CCDC170: variants seen among roughly 807,000 people sequenced by gnomAD.
The protein encoded by CCDC170 is coiled-coil domain containing 170.
CCDC170 carries 69 observed loss-of-function variants against 72.6 expected under a neutral mutation model. That is an observed-to-expected ratio of 0.95 (90% CI 0.78 to 1.16). The LOEUF (loss-of-function observed/expected upper bound fraction) is 1.16. CCDC170 is among the 50% of genes most tolerant of loss of function. The probability of loss-of-function intolerance (pLI) is 0.00; values close to 1 mark genes in which losing one functional copy is unlikely to be tolerated. For missense variants in CCDC170, 852 were observed against 832.5 expected, an observed-to-expected ratio of 1.02 and a Z score of -0.29; for synonymous variants, 300 against 303.9, an observed-to-expected ratio of 0.99 and a Z score of 0.13.
chr6:151,552,670 T>A (rs1351811190), intron 5 of CCDC170, among the ~76,000 whole-genome samples: 1 of 152,062 alleles, frequency 6.6e-6, no homozygotes, highest in Admixed American at 6.6e-5. Context: ...CCTTGTAGCA[T>A]GAGTCCTTTA....
At chr6:151,571,400 G>T (rs1776216810) in intron 5 of CCDC170, among the ~76,000 whole-genome samples, 1 of 151,682 alleles carries the variant, frequency 6.6e-6, no homozygotes, top group Admixed American at 6.6e-5. Context: ...TTCTTAATGT[G>T]AATTCATGTA....
At chr6:151,535,433 A>C (rs889448910) in intron 1 of CCDC170, among the ~76,000 whole-genome samples, 1 of 152,144 alleles carries the variant, frequency 6.6e-6, no homozygotes, top group African/African-American at 2.4e-5. Context: ...CATGGATATG[A>C]GATTATGAGA....
chr6:151,545,848 G>A (rs1402844844), intron 4 of CCDC170, among the ~76,000 whole-genome samples: 2 of 152,022 alleles, frequency 1.3e-5, no homozygotes, highest in Admixed American at 6.6e-5. Context: ...TGTCCAGGCT[G>A]GTCTTGAACT....
At chr6:151,617,023 T>C (rs1020950601) in intron 10 of CCDC170, among the ~76,000 whole-genome samples, 3 of 152,224 alleles carry the variant, frequency 2.0e-5, no homozygotes, top group Non-Finnish European at 4.4e-5. Flanking sequence ...AATTGGACTC[T>C]GCAAGGGAAG....
chr6:151,563,078 C>A (rs147440561), intron 5 of CCDC170, among the ~76,000 whole-genome samples: 1 of 152,098 alleles, frequency 6.6e-6, no homozygotes, highest in Non-Finnish European at 1.5e-5. Flanking sequence ...TCCCCCAGAC[C>A]AGAGCAGGTA....
At position 151,619,635 on chromosome 6, in the gene CCDC170, C is replaced by G. The variant is rs1027817702; in HGVS notation, c.*1488C>G. 6.6e-6 allele frequency: 1 copy of G among 152,138 alleles called. No homozygotes were observed. Among genetic ancestry groups the G allele is most frequent in the Non-Finnish European group, 1.5e-5 (1 of 68,022 alleles). 9.4% of individuals were successfully genotyped at this position (152,138 alleles called of 1,614,324 possible). ...AAAAAGTCAAAGTCAGCCTGGCCAA[C>G]ATGGCAAAACTCCGTCTCTGCAAAA... On this transcript the variant is annotated 3_prime_UTR_variant, in exon 11 of 11. Transcript: ENST00000239374.
chr6:151,520,590 C>T (rs1003461979), intron 1 of CCDC170, among the ~76,000 whole-genome samples: 4 of 152,212 alleles, frequency 2.6e-5, no homozygotes, highest in Admixed American at 6.5e-5. Context: ...ACATTAGCCA[C>T]AAGATTAGAA....
chr6:151,548,277 G>T, intron 4 of CCDC170, 27 bp from the exon 5 acceptor site: 1 of 1,499,690 alleles, frequency 6.7e-7, no homozygotes, highest in Non-Finnish European at 8.9e-7. Flanking sequence ...AATTTTTATA[G>T]GACAGCTGTA....
At chr6:151,522,647 C>T (rs1782339984) in intron 1 of CCDC170, among the ~76,000 whole-genome samples, 1 of 152,214 alleles carries the variant, frequency 6.6e-6, no homozygotes, top group African/African-American at 2.4e-5. Context: ...ACCCCTTACC[C>T]TCCCTTGTCC....
chr6:151,551,040 C>G (rs145185385), intron 5 of CCDC170, among the ~76,000 whole-genome samples: 15 of 152,212 alleles, frequency 9.9e-5, no homozygotes, highest in African/African-American at 3.4e-4. Flanking sequence ...TAATAACTTA[C>G]CATTATTTTT....
chr6:151,558,096 T>TTAAATAAA (rs374360621), intron 5 of CCDC170, among the ~76,000 whole-genome samples: 1 of 152,092 alleles, frequency 6.6e-6, no homozygotes, highest in Admixed American at 6.6e-5. Flanking sequence ...AGACTCTATC[T>TTAAATAAA]TAAATAAATA....
chr6:151,519,480 A>G (rs777706493), intron 1 of CCDC170, among the ~76,000 whole-genome samples: 2 of 152,212 alleles, frequency 1.3e-5, no homozygotes, highest in Admixed American at 6.5e-5. Flanking sequence ...TTTACAATCA[A>G]TTTGTACAGA....
chr6:151,609,940 C>T (rs918986816), intron 9 of CCDC170, among the ~76,000 whole-genome samples: 2 of 152,212 alleles, frequency 1.3e-5, no homozygotes, highest in Non-Finnish European at 2.9e-5. Flanking sequence ...AGCTTCTAGA[C>T]CTCCAAGCTG....
chr6:151,563,543 G>T (rs1776080472), intron 5 of CCDC170, among the ~76,000 whole-genome samples: 1 of 152,142 alleles, frequency 6.6e-6, no homozygotes, highest in Non-Finnish European at 1.5e-5. Flanking sequence ...GTTTGCAAGA[G>T]ATCTAGTGGT....
chr6:151,539,456 G>A (rs1033795122), intron 3 of CCDC170, among the ~76,000 whole-genome samples: 26 of 152,010 alleles, frequency 1.7e-4, no homozygotes, highest in African/African-American at 6.3e-4. Flanking sequence ...TTCTTCTCTT[G>A]GCTTCCAGGA....
intron 5 of CCDC170, among the ~76,000 whole-genome samples, chr6:151,568,105 GAAAAA>G (rs771627857): frequency 3.4e-4 from 13 of 38,270 alleles, no homozygotes; most frequent in African/African-American, 9.4e-4. Context: ...GTGAGACTCT[GAAAAA>G]AAAAAAAAAA....
intron 5 of CCDC170, among the ~76,000 whole-genome samples, chr6:151,553,952 G>A (rs1782929434): frequency 6.6e-6 from 1 of 151,948 alleles, no homozygotes; most frequent in Non-Finnish European, 1.5e-5. Flanking sequence ...GACTGCAGAA[G>A]TAGAAGTAGC....
chr6:151,576,376 G>A (rs1476900960), intron 6 of CCDC170, among the ~76,000 whole-genome samples: 6 of 151,562 alleles, frequency 4.0e-5, no homozygotes, highest in Non-Finnish European at 7.4e-5. Context: ...CTCACCATTC[G>A]TCGAGGAGCA....
intron 1 of CCDC170, among the ~76,000 whole-genome samples, chr6:151,519,804 T>C (rs1405284585): frequency 6.6e-6 from 1 of 152,180 alleles, no homozygotes. Flanking sequence ...GAAGTTGCCA[T>C]GACATTTGAA....
Sources: allele counts gnomAD v4.1 joint callset (sites outside exome capture counted in the v4.1 genomes callset), GRCh38; gene constraint gnomAD v4.1.1; transcripts MANE v1.5; gene names NCBI Gene and HGNC (gene_info 2026-07-23, HGNC 2026-07-21).